The following GRK5 variants were observed in gnomAD, a reference collection of about 807,000 sequenced individuals.
The protein encoded by GRK5 is g protein-coupled receptor kinase GRK5.
Under a neutral mutation model 78.4 loss-of-function variants are expected in GRK5, and 40 were observed. The ratio of observed to expected loss-of-function variants is 0.51; its 90% CI spans 0.40 to 0.66. GRK5 has a LOEUF of 0.66. Ranked by LOEUF, GRK5 falls within the 30% of genes least tolerant of loss-of-function variation. The pLI is 0.00. For missense variants in GRK5, 598 were observed against 759.9 expected (o/e 0.79, Z 2.50); for synonymous variants, 289 against 296.8 (o/e 0.97, Z 0.27).
intron 1 of GRK5, among the ~76,000 whole-genome samples, chr10:119,319,066 C>T (rs548770548): frequency 6.6e-6 from 1 of 152,320 alleles, no homozygotes; most frequent in East Asian, 1.9e-4. Flanking sequence ...CACTCCTTTC[C>T]CTGATAGGAC....
intron 8 of GRK5, among the ~76,000 whole-genome samples, chr10:119,433,835 T>C (rs972277071): frequency 6.6e-6 from 1 of 152,236 alleles, no homozygotes; most frequent in Non-Finnish European, 1.5e-5. Flanking sequence ...CCCCCTCTCT[T>C]GGTGGCCCTT....
At chr10:119,247,365 C>G (rs991595303) in intron 1 of GRK5, among the ~76,000 whole-genome samples, 1 of 152,122 alleles carries the variant, frequency 6.6e-6, no homozygotes, top group Non-Finnish European at 1.5e-5. Context: ...ATCTCATTTC[C>G]ACAGTCGATG....
chr10:119,366,088 C>T (rs1851444547), intron 2 of GRK5, among the ~76,000 whole-genome samples: 1 of 152,220 alleles, frequency 6.6e-6, no homozygotes, highest in African/African-American at 2.4e-5. Flanking sequence ...GTCCTGTTGG[C>T]TTAAGGACTT....
intron 4 of GRK5, among the ~76,000 whole-genome samples, chr10:119,403,020 A>G (rs1362465953): frequency 1.3e-5 from 2 of 152,232 alleles, no homozygotes; most frequent in East Asian, 3.8e-4. Context: ...TTATCACCCC[A>G]AGAAGAAACT....
chr10:119,312,762 G>A (rs187487560), intron 1 of GRK5, among the ~76,000 whole-genome samples: 2 of 152,356 alleles, frequency 1.3e-5, no homozygotes, highest in East Asian at 3.8e-4. Flanking sequence ...TCATGCTGAT[G>A]TGGAAGCTCT....
chr10:119,260,894 A>G (rs1231818382), intron 1 of GRK5, among the ~76,000 whole-genome samples: 4 of 151,742 alleles, frequency 2.6e-5, no homozygotes, highest in Non-Finnish European at 5.9e-5. Flanking sequence ...CATTGTCATC[A>G]TGGCCCGTTC....
At chr10:119,443,773 T>TGCCACCCTCAAGCTGGTG in intron 12 of GRK5, 21 bp downstream of exon 12, 6 of 1,576,018 alleles carry the variant, frequency 3.8e-6, no homozygotes, top group Non-Finnish European at 5.2e-6. Flanking sequence ...GGTGGCCAGA[T>TGCCACCCTCAAGCTGGTG]GCCACCCTCA....
chr10:119,370,764 G>C (rs996480373), intron 2 of GRK5, among the ~76,000 whole-genome samples: 6 of 152,174 alleles, frequency 3.9e-5, no homozygotes, highest in African/African-American at 1.4e-4. Context: ...AAATACGGCA[G>C]AGTAGAGGGC....
intron 1 of GRK5, among the ~76,000 whole-genome samples, chr10:119,287,145 C>T (rs113098474): frequency 0.17 from 18,638 of 109,560 alleles, 1,443 homozygotes; most frequent in Middle Eastern, 0.28. Flanking sequence ...GGGAAGGAAG[C>T]AAGGGAGGGA....
chr10:119,305,927 C>T (rs537171161), intron 1 of GRK5, among the ~76,000 whole-genome samples: 3 of 152,182 alleles, frequency 2.0e-5, no homozygotes, highest in Non-Finnish European at 4.4e-5. Flanking sequence ...CAGAAAATAA[C>T]TCCCAGTGAG....
intron 1 of GRK5, among the ~76,000 whole-genome samples, chr10:119,296,713 C>T (rs1850088452): frequency 1.3e-5 from 2 of 152,152 alleles, no homozygotes; most frequent in Non-Finnish European, 2.9e-5. Flanking sequence ...AGTTTTTCCT[C>T]CTAAAATCAG....
intron 1 of GRK5, among the ~76,000 whole-genome samples, chr10:119,230,925 A>T (rs1848817842): frequency 6.6e-6 from 1 of 151,334 alleles, no homozygotes; most frequent in Non-Finnish European, 1.5e-5. Context: ...ATCTGGCAGC[A>T]GAAGCTGTAG....
At chr10:119,418,000 A>C (rs1024182050) in intron 4 of GRK5, among the ~76,000 whole-genome samples, 3 of 152,184 alleles carry the variant, frequency 2.0e-5, no homozygotes, top group African/African-American at 7.2e-5. Context: ...GCAGAGAGCG[A>C]GTCTGGGCCA....
intron 2 of GRK5, chr10:119,334,755 A>G (rs1025112695): frequency 6.6e-6 from 1 of 152,084 alleles, no homozygotes; most frequent in African/African-American, 2.4e-5. Flanking sequence ...GTTTGGCAAT[A>G]TTTCTGTAGG....
intron 2 of GRK5, among the ~76,000 whole-genome samples, chr10:119,350,827 C>A (rs1192508473): frequency 6.6e-6 from 1 of 152,204 alleles, no homozygotes; most frequent in Non-Finnish European, 1.5e-5. Context: ...TTTGATAGAA[C>A]ATGCACGCAG....
chr10:119,294,657 G>A (rs936229673), intron 1 of GRK5, among the ~76,000 whole-genome samples: 1 of 152,208 alleles, frequency 6.6e-6, no homozygotes, highest in African/African-American at 2.4e-5. Context: ...GAGGGAGGCA[G>A]GGGGAGACAT....
chr10:119,428,707 C>G (rs1229045939), intron 6 of GRK5, among the ~76,000 whole-genome samples: 1 of 152,172 alleles, frequency 6.6e-6, no homozygotes, highest in East Asian at 1.9e-4. Flanking sequence ...AGAAATTATC[C>G]TTTTTACTCT....
At chr10:119,287,063 A>T (rs1849859208) in intron 1 of GRK5, among the ~76,000 whole-genome samples, 1 of 150,922 alleles carries the variant, frequency 6.6e-6, no homozygotes, top group Non-Finnish European at 1.5e-5. Flanking sequence ...GGAGGGAGGA[A>T]AGAAGGAAGA....
intron 3 of GRK5, among the ~76,000 whole-genome samples, chr10:119,392,693 C>T (rs1167038045): frequency 1.3e-5 from 2 of 151,718 alleles, no homozygotes; most frequent in Admixed American, 6.6e-5. Flanking sequence ...TGTGAACCAC[C>T]GCCCCTGGCT....
Sources: allele counts gnomAD v4.1 joint callset (sites outside exome capture counted in the v4.1 genomes callset), GRCh38; gene constraint gnomAD v4.1.1; transcripts MANE v1.5; gene names NCBI Gene and HGNC (gene_info 2026-07-23, HGNC 2026-07-21).